OTUD7B: variants seen among roughly 807,000 people sequenced by gnomAD.
OTUD7B encodes OTU domain-containing protein 7B.
In OTUD7B, 34 loss-of-function variants were observed where a neutral mutation model predicts 82.2. The observed-to-expected ratio is 0.41, with a 90% CI of 0.31 to 0.55. The LOEUF (loss-of-function observed/expected upper bound fraction) is 0.55. Ranked by LOEUF, OTUD7B falls within the 20% of genes least tolerant of loss-of-function variation. The probability of loss-of-function intolerance (pLI) is 0.20; values close to 1 mark genes in which losing one functional copy is unlikely to be tolerated. For synonymous variants in OTUD7B, 398 were observed against 402.7 expected (o/e 0.99, Z 0.14); for missense variants, 944 against 1,062.1 (o/e 0.89, Z 1.55).
At chr1:149,958,623 T>G (rs1331432561) in intron 7 of OTUD7B, among the ~76,000 whole-genome samples, 1 of 152,152 alleles carries the variant, frequency 6.6e-6, no homozygotes, top group East Asian at 1.9e-4. Flanking sequence ...CAGGACTACC[T>G]TTTTAAACAA....
chr1:149,951,521 T>C (rs1648252442), intron 7 of OTUD7B, among the ~76,000 whole-genome samples: 1 of 152,192 alleles, frequency 6.6e-6, no homozygotes, highest in African/African-American at 2.4e-5. Context: ...TTCCACTTCA[T>C]TATCCACTGG....
chr1:149,945,117 G>A (rs369736945), intron 11 of OTUD7B, 52 bp from the exon 12 acceptor site: 829 of 1,570,858 alleles, frequency 5.3e-4, no homozygotes, highest in Non-Finnish European at 7.0e-4. Context: ...CTGGGGTGGG[G>A]GAATCCCCCA....
At chr1:149,982,551 C>G (rs782656820) in intron 1 of OTUD7B, among the ~76,000 whole-genome samples, 4 of 152,008 alleles carry the variant, frequency 2.6e-5, no homozygotes, top group Non-Finnish European at 2.9e-5. Context: ...CCTCCACCCC[C>G]CAGGCTCAGG....
At chr1:150,014,287 C>G (rs1653205445), upstream of OTUD7B, among the ~76,000 whole-genome samples, 1 of 148,666 alleles carries the variant, frequency 6.7e-6, no homozygotes, top group Non-Finnish European at 1.5e-5. Flanking sequence ...GTGGTCCCAG[C>G]TACTAGGGAG....
chr1:149,952,590 G>T (rs1648348852), intron 7 of OTUD7B, among the ~76,000 whole-genome samples: 1 of 152,130 alleles, frequency 6.6e-6, no homozygotes, highest in Admixed American at 6.5e-5. Flanking sequence ...ACGTCAAATG[G>T]GATTTCTAGT....
the OTUD7B span, among the ~76,000 whole-genome samples, chr1:150,046,012 T>C: frequency 3.3e-5 from 5 of 152,200 alleles, no homozygotes. Context: ...TATTGAACCA[T>C]TAAAAATAAT....
chr1:149,974,634 C>CT (rs1650180402), intron 2 of OTUD7B, among the ~76,000 whole-genome samples: 1 of 141,036 alleles, frequency 7.1e-6, no homozygotes, highest in Non-Finnish European at 1.5e-5. Context: ...ACCGCAGTCT[C>CT]TGCCTCCCGG....
Position 149,959,717 on chromosome 1 carries a change from A to C in OTUD7B, c.812T>G (p.Met271Arg), listed in dbSNP as rs782078807. 6.2e-7 allele frequency: 1 copy of C among 1,613,770 alleles called. No individual in the cohort carries two copies. The highest frequency in any genetic ancestry group is 1.3e-5 in the African/African-American group (1 of 74,874). The change falls in exon 7 of 12, where the codon ATG (methionine) becomes AGG (arginine). Residue 271 changes from methionine to arginine, a missense_variant. Physicochemically the swap from Met to Arg is moderately conservative, Grantham distance 91. Coordinates refer to ENST00000581312, the MANE Select transcript of OTUD7B (RefSeq NM_020205.4). ...LIKLASSEPR[M>R]HLGTNGANCG... Reference sequence around the variant, plus strand: ...GTTGGCTCCATTGGTACCTAGATGCATTCGGGGTTCACTTGAGGCAAGCTT... The same window carrying C: ...GTTGGCTCCATTGGTACCTAGATGCCTTCGGGGTTCACTTGAGGCAAGCTT...
Position 149,947,333 on chromosome 1 carries a change from A to G in OTUD7B, c.1241T>C (p.Val414Ala). The G allele has an allele frequency of 6.3e-7, 1 of 1,587,864 alleles. No homozygotes were observed. The highest frequency in any genetic ancestry group is 8.6e-7 in the Non-Finnish European group (1 of 1,156,628). ...DDSDNVRLAS[V>A]ILSLEVKLHL... The stretch of plus-strand genomic sequence containing the variant: ...CAATTTGACCTCTAGGGACAGAATT[A>G]CACTATGAAAAAGAGAAAAAACAAA... Residue 414 changes from valine (V) to alanine (A), a missense_variant and splice_region_variant, in exon 11 of 12, where the codon GTA becomes GCA. Physicochemically the swap from Val to Ala is moderately conservative, Grantham distance 64. This residue lies in a region of OTUD7B where 530 missense variants were observed against 625.6 expected (regional missense o/e 0.85). Transcript: ENST00000581312.
the OTUD7B span, among the ~76,000 whole-genome samples, chr1:150,035,992 C>T: frequency 1.4e-5 from 2 of 142,990 alleles, no homozygotes; most frequent in African/African-American, 2.8e-5. Context: ...CTCTGTCTGC[C>T]GTCCAGGCTG....
Position 149,940,588 on chromosome 1 carries a change from T to A in OTUD7B, c.*3269A>T, listed in dbSNP as rs2092754697. ...TAAAAACTTCAGTAGGTACCCCAGT[T>A]GCCCTGGATTAAAGGAACTAAGTGC... On this transcript the variant is annotated 3_prime_UTR_variant, in exon 12 of 12. Coordinates refer to ENST00000581312, the MANE Select transcript of OTUD7B (RefSeq NM_020205.4). The A allele has an allele frequency of 6.6e-6, 1 of 152,146 alleles. No individual in the cohort carries two copies. The highest frequency in any genetic ancestry group is 1.5e-5 in the Non-Finnish European group (1 of 68,050). 9.4% of individuals were successfully genotyped at this position (152,146 alleles called of 1,614,324 possible).
chr1:149,982,461 CTTTA>C (rs1313708528), intron 1 of OTUD7B, among the ~76,000 whole-genome samples: 4 of 151,966 alleles, frequency 2.6e-5, no homozygotes, highest in Non-Finnish European at 5.9e-5. Context: ...CCTTATATAA[CTTTA>C]TTTATTTATT....
At chr1:150,015,560 C>T (rs1338234969), upstream of OTUD7B, among the ~76,000 whole-genome samples, 4 of 152,036 alleles carry the variant, frequency 2.6e-5, no homozygotes, top group Non-Finnish European at 5.9e-5. Flanking sequence ...AGATTACAAG[C>T]GTGAGCCCAA....
the OTUD7B span, among the ~76,000 whole-genome samples, chr1:150,032,927 A>G: frequency 6.6e-6 from 1 of 152,182 alleles, no homozygotes; most frequent in Non-Finnish European, 1.5e-5. Flanking sequence ...CTTCACACAT[A>G]TACTTTACTT....
chr1:149,944,822 C>T lies in OTUD7B; in HGVS notation c.1567G>A (p.Gly523Ser). The change falls in exon 12 of 12, where the codon GGC becomes AGC. Residue 523 changes from glycine to serine, a missense_variant. By Grantham distance (56) the Gly-to-Ser change is moderately conservative. Coordinates refer to ENST00000581312, the MANE Select transcript of OTUD7B (RefSeq NM_020205.4). ...LGSKLKKNMG[G>S]LMHSKGSKPG... ...TTTGAACCCTTGCTGTGCATCAGGC[C>T]CCCCATGTTCTTCTTGAGCTTGCTG... is the stretch of plus-strand genomic sequence containing the variant. 6.2e-7 allele frequency: 1 copy of T among 1,614,178 alleles called. No homozygotes were observed. Among genetic ancestry groups the T allele is most frequent in the Non-Finnish European group, 8.5e-7 (1 of 1,180,036 alleles).
chr1:149,995,013 T>C (rs1409117635), intron 1 of OTUD7B, among the ~76,000 whole-genome samples: 3 of 152,184 alleles, frequency 2.0e-5, no homozygotes, highest in African/African-American at 7.2e-5. Flanking sequence ...TCCCAAATGC[T>C]TTACCCACAG....
Position 149,947,287 on chromosome 1 carries a change from C to T in OTUD7B, c.1287G>A (p.Met429Ile). ...EVKLHLLHSY[M>I]NVKWIPLSSD... The stretch of plus-strand genomic sequence containing the variant: ...AGGACAGTGGGATCCACTTCACATT[C>T]ATGTAGCTATGCAGCAGATGCAATT... Residue 429 changes from methionine (M) to isoleucine (I), a missense_variant, in exon 11 of 12, where the codon ATG (methionine) becomes ATA (isoleucine). Around this residue, in one of 3 missense-constraint regions of OTUD7B, gnomAD observed 530 missense variants for 625.6 expected, o/e 0.85. Transcript: ENST00000581312. 1 of 1,611,342 alleles carries T rather than the reference C, an allele frequency of 6.2e-7. No homozygotes were observed.
chr1:150,047,466 C>T, the OTUD7B span, among the ~76,000 whole-genome samples: 2 of 152,096 alleles, frequency 1.3e-5, no homozygotes, highest in Non-Finnish European at 2.9e-5. Flanking sequence ...TGATTGTCCT[C>T]ACTAGATTGT....
At position 149,967,425 on chromosome 1, in the gene OTUD7B, T is replaced by A. The variant is rs1553776847; in HGVS notation, c.371A>T (p.Asn124Ile). 1 of 1,613,844 alleles carries A rather than the reference T, an allele frequency of 6.2e-7. No homozygotes were observed. The highest frequency in any genetic ancestry group is 8.5e-7 in the Non-Finnish European group (1 of 1,179,810). Residue 124 changes from asparagine to isoleucine, a missense_variant, in exon 4 of 12, where the codon AAT becomes ATT. Transcript: ENST00000581312. ...GATGGGCATTTCCAGGGGGTGCTCATTGCTCCCCCCACCCCCACCATTGGA... is the reference window on the plus strand; with the variant it reads ...GATGGGCATTTCCAGGGGGTGCTCAATGCTCCCCCCACCCCCACCATTGGA... The part of the protein sequence containing the change: ...VSSNGGGGGS[N>I]EHPLEMPICA...
Sources: allele counts gnomAD v4.1 joint callset (sites outside exome capture counted in the v4.1 genomes callset), GRCh38; gene constraint gnomAD v4.1.1; regional missense constraint gnomAD v4.1.1; transcripts MANE v1.5; gene names NCBI Gene and HGNC (gene_info 2026-07-23, HGNC 2026-07-21).